The following ARPC1A variants were observed in gnomAD, a reference collection of about 807,000 sequenced individuals.
ARPC1A encodes actin-related protein 2/3 complex subunit 1A.
ARPC1A carries 8 observed loss-of-function variants against 46.9 expected under a neutral mutation model. The observed-to-expected ratio is 0.17, with a 90% confidence interval of 0.10 to 0.31. ARPC1A has a LOEUF of 0.31. Among genes scored for constraint, ARPC1A ranks in the 10% least tolerant of loss-of-function variants. The pLI is 1.00. For synonymous variants in ARPC1A, 152 were observed against 169.0 expected, an observed-to-expected ratio of 0.90 and a Z score of 0.78; for missense variants, 286 against 483.6, an observed-to-expected ratio of 0.59 and a Z score of 3.83.
At chr7:99,359,891 GC>G in intron 8 of ARPC1A, 153 bp downstream of exon 8, 1 of 883,866 alleles carries the variant, frequency 1.1e-6, no homozygotes, top group Non-Finnish European at 1.7e-6. Flanking sequence ...CTTCCCGACC[GC>G]CAGGCTCTCA....
At chr7:99,351,154 A>T (rs968883919) in intron 5 of ARPC1A, among the ~76,000 whole-genome samples, 2 of 152,138 alleles carry the variant, frequency 1.3e-5, no homozygotes, top group Non-Finnish European at 2.9e-5. Flanking sequence ...TGGAAAATAG[A>T]ACTAGGTGGC....
At chr7:99,359,835 A>G (rs1793710796) in intron 8 of ARPC1A, 97 bp downstream of exon 8, 1 of 1,340,676 alleles carries the variant, frequency 7.5e-7, no homozygotes, top group South Asian at 1.2e-5. Flanking sequence ...TATGCCCCTC[A>G]GGCCCAGACA....
At chr7:99,335,362 C>G in intron 2 of ARPC1A, 1 of 425,180 alleles carries the variant, frequency 2.4e-6, no homozygotes, top group South Asian at 1.7e-5. Flanking sequence ...CCTTGGCCCC[C>G]TTTTTGAAAA....
intron 2 of ARPC1A, chr7:99,335,621 G>C (rs1192028578): frequency 3.3e-6 from 1 of 299,088 alleles, no homozygotes; most frequent in Non-Finnish European, 6.6e-6. Context: ...CTGAGATTTT[G>C]ACAGAGATTA....
rs771210468 is a variant in ARPC1A, at chr7:99,358,322, A to C, written c.714-18A>C. ...ATAGTCTGTTGCATCTTGGGATAAC[A>C]CATGTTCTTGTGTTCAGGGTCTCGA... On this transcript the variant is annotated intron_variant, in intron 6 of 9. Transcript: ENST00000262942. The C allele has an allele frequency of 6.2e-7, 1 of 1,612,622 alleles. No homozygotes were observed. Among genetic ancestry groups the C allele is most frequent in the South Asian group, 1.1e-5 (1 of 91,034 alleles).
chr7:99,334,765 TCCGCC>T (rs1793211120), intron 2 of ARPC1A, among the ~76,000 whole-genome samples: 1 of 152,182 alleles, frequency 6.6e-6, no homozygotes, highest in Non-Finnish European at 1.5e-5. Flanking sequence ...TACTGCAACC[TCCGCC>T]TCCCAGGTTC....
At chr7:99,343,939 C>A (rs1403206392) in intron 3 of ARPC1A, among the ~76,000 whole-genome samples, 4 of 151,804 alleles carry the variant, frequency 2.6e-5, no homozygotes, top group Admixed American at 6.6e-5. Context: ...TTCACACACA[C>A]AAAAATCTAA....
At chr7:99,359,761 T>C (rs1228175347) in intron 8 of ARPC1A, 23 bp downstream of exon 8, 1 of 1,613,278 alleles carries the variant, frequency 6.2e-7, no homozygotes, top group Non-Finnish European at 8.5e-7. Flanking sequence ...TGTAGAGAGG[T>C]GGTCAGGTGA....
At chr7:99,352,476 GCAAGACCC>G (rs1387986695) in intron 5 of ARPC1A, among the ~76,000 whole-genome samples, 1 of 151,172 alleles carries the variant, frequency 6.6e-6, no homozygotes, top group Non-Finnish European at 1.5e-5. Flanking sequence ...GGGCAACACA[GCAAGACCC>G]CATCTCTACA....
intron 3 of ARPC1A, among the ~76,000 whole-genome samples, chr7:99,343,846 C>T (rs569747557): frequency 6.6e-6 from 1 of 152,104 alleles, no homozygotes; most frequent in Non-Finnish European, 1.5e-5. Flanking sequence ...TTTATTTACC[C>T]TGTATGCTGT....
At chr7:99,350,375 C>A (rs1052140162) in intron 5 of ARPC1A, among the ~76,000 whole-genome samples, 10 of 152,148 alleles carry the variant, frequency 6.6e-5, no homozygotes, top group Non-Finnish European at 1.3e-4. Context: ...TAAAACATAG[C>A]TAAACAGTGC....
intron 5 of ARPC1A, among the ~76,000 whole-genome samples, chr7:99,350,915 G>A (rs1793534814): frequency 6.6e-6 from 1 of 151,796 alleles, no homozygotes; most frequent in Admixed American, 6.6e-5. Context: ...CCAAAGTGCT[G>A]GGCTTACAGG....
intron 9 of ARPC1A, among the ~76,000 whole-genome samples, chr7:99,364,268 C>CTTTT (rs1226720404): frequency 1.7e-5 from 2 of 117,368 alleles, no homozygotes; most frequent in Non-Finnish European, 3.4e-5. Context: ...AGATCTCTCT[C>CTTTT]TTTTTTTTTT....
chr7:99,341,042 C>T (rs999045876), intron 3 of ARPC1A, among the ~76,000 whole-genome samples: 3 of 152,192 alleles, frequency 2.0e-5, no homozygotes, highest in Non-Finnish European at 4.4e-5. Context: ...GGTGCGGTGG[C>T]TCACACCTGT....
chr7:99,332,519 T>C (rs966436128), intron 1 of ARPC1A, among the ~76,000 whole-genome samples: 10 of 152,218 alleles, frequency 6.6e-5, no homozygotes, highest in Non-Finnish European at 8.8e-5. Flanking sequence ...TAAGAGTCCA[T>C]TGACGACCCT....
At chr7:99,344,611 G>C (rs1793409832) in intron 4 of ARPC1A, 96 bp downstream of exon 4, 3 of 1,275,254 alleles carry the variant, frequency 2.4e-6, no homozygotes, top group Non-Finnish European at 3.3e-6. Context: ...TTCTCATCCG[G>C]AGTTGTGTGG....
chr7:99,357,798 C>T (rs373986955), intron 6 of ARPC1A, among the ~76,000 whole-genome samples: 67 of 152,328 alleles, frequency 4.4e-4, no homozygotes, highest in African/African-American at 1.4e-3. Flanking sequence ...ATGGCCCATT[C>T]GAGTGTGAGC....
At position 99,348,953 on chromosome 7, in the gene ARPC1A, A is replaced by C; in HGVS notation, c.494A>C (p.Lys165Thr). ...CTGGCAGCAGGATCATGTGACTTCA[A>C]ATGCAGGTGGGAACCAGTGAGAACT... ...VLLAAGSCDFKCRVFSAYIKE... is the reference protein window; with the variant it reads ...VLLAAGSCDFTCRVFSAYIKE... The change falls in exon 5 of 10, where the codon AAA (lysine) becomes ACA (threonine). Residue 165 changes from lysine to threonine, a missense_variant. By Grantham distance (78) the Lys-to-Thr change is moderately conservative. Coordinates refer to ENST00000262942, the MANE Select transcript of ARPC1A (RefSeq NM_006409.4). 6.2e-7 allele frequency: 1 copy of C among 1,613,410 alleles called. No homozygotes were observed. The highest frequency in any genetic ancestry group is 8.5e-7 in the Non-Finnish European group (1 of 1,179,428).
At chr7:99,365,256 A>C (rs895066385) in intron 9 of ARPC1A, among the ~76,000 whole-genome samples, 6 of 151,870 alleles carry the variant, frequency 4.0e-5, no homozygotes, top group African/African-American at 1.5e-4. Flanking sequence ...TTTTGAGACC[A>C]GTTTGGGCAA....
Sources: allele counts gnomAD v4.1 joint callset (sites outside exome capture counted in the v4.1 genomes callset), GRCh38; gene constraint gnomAD v4.1.1; transcripts MANE v1.5; gene names NCBI Gene and HGNC (gene_info 2026-07-23, HGNC 2026-07-21).